WDR93: variants seen among roughly 807,000 people sequenced by gnomAD.
WDR93 encodes the protein WD repeat domain 93.
Under a neutral mutation model 82.9 loss-of-function variants are expected in WDR93, and 73 were observed. The ratio of observed to expected loss-of-function variants is 0.88; its 90% CI spans 0.73 to 1.07. The LOEUF is 1.07. Among genes scored for constraint, WDR93 ranks in the 50% least tolerant of loss-of-function variants. The probability of loss-of-function intolerance (pLI) is 0.00; values close to 1 mark genes in which losing one functional copy is unlikely to be tolerated. For missense variants in WDR93, 738 were observed against 826.0 expected (o/e 0.89, Z 1.31); for synonymous variants, 283 against 300.1 (o/e 0.94, Z 0.59).
intron 14 of WDR93, among the ~76,000 whole-genome samples, chr15:89,736,514 C>A (rs956754599): frequency 7.2e-5 from 11 of 152,060 alleles, no homozygotes; most frequent in African/African-American, 2.4e-4. Flanking sequence ...ATGGGCACTA[C>A]CATCACTTAC....
chr15:89,736,793 CTT>C (rs536745344), intron 14 of WDR93, among the ~76,000 whole-genome samples: 14 of 130,444 alleles, frequency 1.1e-4, no homozygotes, highest in Non-Finnish European at 1.7e-4. Context: ...TCAAAGGGGG[CTT>C]TTTTTTTTTT....
At chr15:89,714,912 G>T in intron 5 of WDR93, 68 bp from the exon 6 acceptor site, 1 of 1,347,970 alleles carries the variant, frequency 7.4e-7, no homozygotes, top group East Asian at 2.4e-5. Flanking sequence ...AAGAAGACAG[G>T]CCATTTCTCA....
At chr15:89,696,068 T>C (rs766539916) in intron 1 of WDR93, among the ~76,000 whole-genome samples, 2 of 152,082 alleles carry the variant, frequency 1.3e-5, no homozygotes, top group Non-Finnish European at 2.9e-5. Flanking sequence ...TCACCCGCCT[T>C]GGCCCCCCAA....
chr15:89,727,110 AG>A (rs894945810), intron 8 of WDR93, 46 bp from the exon 9 acceptor site: 1 of 1,584,312 alleles, frequency 6.3e-7, no homozygotes, highest in Non-Finnish European at 8.6e-7. Flanking sequence ...AAATCAGGAA[AG>A]GGGGAGTCAC....
chr15:89,729,839 A>G (rs12148067), intron 11 of WDR93, 70 bp downstream of exon 11: 407,524 of 1,315,258 alleles, frequency 0.31, 67,290 homozygotes, highest in African/African-American at 0.55. Flanking sequence ...CAGCTTAGCT[A>G]AGAGCATGTG....
At chr15:89,691,546 C>T (rs1274233322) in intron 1 of WDR93, among the ~76,000 whole-genome samples, 3 of 152,048 alleles carry the variant, frequency 2.0e-5, no homozygotes, top group Non-Finnish European at 4.4e-5. Flanking sequence ...GGTGAAACCC[C>T]GTCTCTACTA....
At chr15:89,737,493 A>C in intron 14 of WDR93, 80 bp from the exon 15 acceptor site, 1 of 1,561,772 alleles carries the variant, frequency 6.4e-7, no homozygotes, top group Non-Finnish European at 8.7e-7. Flanking sequence ...CTCATTCCTT[A>C]CTGGGGTGAC....
At chr15:89,723,171 A>G (rs1966595311) in intron 8 of WDR93, among the ~76,000 whole-genome samples, 1 of 151,958 alleles carries the variant, frequency 6.6e-6, no homozygotes, top group Non-Finnish European at 1.5e-5. Context: ...ATTGCACTCC[A>G]GTCTGGGAGA....
chr15:89,716,103 C>G (rs1430374285), intron 6 of WDR93, among the ~76,000 whole-genome samples: 1 of 152,152 alleles, frequency 6.6e-6, no homozygotes, highest in Non-Finnish European at 1.5e-5. Flanking sequence ...CTGCTGAGCT[C>G]AAGTGGCTTT....
chr15:89,732,884 A>G (rs1235075968), intron 12 of WDR93, 122 bp from the exon 13 acceptor site: 2 of 848,174 alleles, frequency 2.4e-6, no homozygotes, highest in African/African-American at 3.4e-5. Flanking sequence ...CAGGGTGCTC[A>G]TTGCTTGATT....
intron 16 of WDR93, among the ~76,000 whole-genome samples, chr15:89,742,567 C>T (rs988742894): frequency 1.3e-5 from 2 of 151,568 alleles, no homozygotes; most frequent in African/African-American, 4.9e-5. Context: ...GAATTTTGCT[C>T]TTGTTGCCCA....
At chr15:89,716,312 T>A (rs893507962) in intron 6 of WDR93, among the ~76,000 whole-genome samples, 2 of 152,246 alleles carry the variant, frequency 1.3e-5, no homozygotes, top group South Asian at 4.1e-4. Context: ...TTGTCTTCAA[T>A]GGATAATAAA....
chr15:89,713,681 C>A (rs1006151466), intron 5 of WDR93, among the ~76,000 whole-genome samples: 4 of 152,194 alleles, frequency 2.6e-5, no homozygotes, highest in African/African-American at 9.6e-5. Flanking sequence ...CCATGTTGGC[C>A]AGGCTGGTCT....
intron 13 of WDR93, among the ~76,000 whole-genome samples, chr15:89,734,008 T>C (rs1379754044): frequency 6.6e-6 from 1 of 151,438 alleles, no homozygotes; most frequent in African/African-American, 2.4e-5. Context: ...TGTGTGTGTG[T>C]GTGTGCGCGC....
At chr15:89,730,601 A>G (rs1313295383) in intron 11 of WDR93, among the ~76,000 whole-genome samples, 1 of 152,164 alleles carries the variant, frequency 6.6e-6, no homozygotes, top group African/African-American at 2.4e-5. Context: ...TTGTTTTACA[A>G]ATTTATGGAG....
Position 89,729,771 on chromosome 15 carries a change from T to C in WDR93, c.1210+2T>C. The C allele has an allele frequency of 6.2e-7, 1 of 1,612,746 alleles. No homozygotes were observed. The highest frequency in any genetic ancestry group is 1.1e-5 in the South Asian group (1 of 90,958). ...ACCGAACTCTAAAGGATAAAGCTGG[T>C]ACTTTACTGCTGAGATGGGAGTCGC... On this transcript the variant is annotated splice_donor_variant, in intron 11 of 16. Transcript: ENST00000268130. LOFTEE classifies it high-confidence loss of function.
intron 4 of WDR93, among the ~76,000 whole-genome samples, chr15:89,709,118 C>T (rs925545047): frequency 1.3e-5 from 2 of 152,218 alleles, no homozygotes; most frequent in Non-Finnish European, 2.9e-5. Context: ...CACCACAATT[C>T]TCCAGGGCCC....
Position 89,712,099 on chromosome 15 carries a change from T to C in WDR93, c.635T>C (p.Leu212Pro), listed in dbSNP as rs993369091. ...SQGGDFAAFL[L>P]QGAGDIWLDV... is the part of the protein sequence containing the mutation. ...GGAGGGGACTTTGCAGCCTTCCTCCTACAAGGCAAGATTAACCAAAGACTG... is the reference window on the plus strand; with the variant it reads ...GGAGGGGACTTTGCAGCCTTCCTCCCACAAGGCAAGATTAACCAAAGACTG... Residue 212 changes from leucine to proline, a missense_variant, in exon 5 of 17, where the codon CTA becomes CCA. Physicochemically the swap from Leu to Pro is moderately conservative, Grantham distance 98. Transcript: ENST00000268130. 1 of 1,611,898 alleles carries C rather than the reference T, an allele frequency of 6.2e-7. No individual in the cohort carries two copies. The highest frequency in any genetic ancestry group is 8.5e-7 in the Non-Finnish European group (1 of 1,178,810).
At chr15:89,711,831 C>T (rs78320715) in intron 4 of WDR93, among the ~76,000 whole-genome samples, 195 bp from the exon 5 acceptor site, 9,003 of 152,202 alleles carry the variant, frequency 0.059, 308 homozygotes, top group Middle Eastern at 0.099. Context: ...CATAGAAAAG[C>T]GAGTTCTACT....
Sources: gnomAD v4.1 joint callset for allele counts (sites outside exome capture counted in the v4.1 genomes callset) on GRCh38, gnomAD v4.1.1 for gene constraint, MANE v1.5 for transcripts, NCBI Gene and HGNC (gene_info 2026-07-23, HGNC 2026-07-21) for gene names.